The following CALN1 variants were observed in gnomAD, a reference collection of about 807,000 sequenced individuals.
CALN1 encodes the protein calneuron 1.
Under a neutral mutation model 30.6 loss-of-function variants are expected in CALN1, and 17 were observed. The ratio of observed to expected loss-of-function variants is 0.56; its 90% CI spans 0.38 to 0.83. CALN1 has a LOEUF of 0.83. Ranked by LOEUF, CALN1 falls within the 40% of genes least tolerant of loss-of-function variation. CALN1 has a pLI of 0.00. For missense variants in CALN1, 291 were observed against 354.9 expected (o/e 0.82, Z 1.45); for synonymous variants, 156 against 131.4 (o/e 1.19, Z -1.28).
At chr7:71,999,400 G>A (rs1386737268) in intron 5 of CALN1, among the ~76,000 whole-genome samples, 1 of 152,126 alleles carries the variant, frequency 6.6e-6, no homozygotes, top group Non-Finnish European at 1.5e-5. Context: ...CCACCTCTCA[G>A]CAAAGGACAG....
intron 3 of CALN1, among the ~76,000 whole-genome samples, chr7:72,135,413 T>C (rs1268565367): frequency 2.6e-5 from 4 of 152,218 alleles, no homozygotes; most frequent in South Asian, 2.1e-4. Context: ...CCTTGATGTA[T>C]GGGCTGCAGA....
intron 5 of CALN1, among the ~76,000 whole-genome samples, chr7:72,015,039 T>C (rs912349400): frequency 2.0e-5 from 3 of 152,236 alleles, no homozygotes; most frequent in African/African-American, 7.2e-5. Flanking sequence ...CCTCCAATGC[T>C]TAGAAAATTA....
chr7:71,844,785 A>T (rs183148953), intron 5 of CALN1, among the ~76,000 whole-genome samples: 1 of 152,252 alleles, frequency 6.6e-6, no homozygotes, highest in Admixed American at 6.5e-5. Flanking sequence ...TCTTCTACCA[A>T]ATTCTGCCTT....
intron 2 of CALN1, among the ~76,000 whole-genome samples, chr7:72,290,259 AAAG>A (rs1246426014): frequency 2.0e-5 from 3 of 152,082 alleles, no homozygotes; most frequent in South Asian, 2.1e-4. Flanking sequence ...TTTCTACAGA[AAAG>A]AAGACATGAA....
At chr7:71,949,096 T>C (rs1796560444) in intron 5 of CALN1, among the ~76,000 whole-genome samples, 2 of 150,360 alleles carry the variant, frequency 1.3e-5, no homozygotes, top group South Asian at 4.3e-4. Context: ...ATGCTGCCAG[T>C]TTGTCACTAT....
chr7:72,165,683 C>A (rs139980733), intron 3 of CALN1, among the ~76,000 whole-genome samples: 1 of 152,106 alleles, frequency 6.6e-6, no homozygotes, highest in Non-Finnish European at 1.5e-5. Flanking sequence ...CCTAAATAAT[C>A]TCTTTATCCA....
chr7:71,866,619 T>C (rs922003905), intron 5 of CALN1, among the ~76,000 whole-genome samples: 5 of 152,160 alleles, frequency 3.3e-5, no homozygotes, highest in African/African-American at 1.2e-4. Flanking sequence ...AACTGAGTAC[T>C]CCACATGCTT....
At position 72,411,673 on chromosome 7, in the gene CALN1, T is replaced by C. The variant is rs563731702; in HGVS notation, c.-74+385A>G. ...CTTGTCAGGCCTAAAAGTGGATAAG[T>C]TCTCAATGATGCCAAATGACAGAGA... On this transcript the variant is annotated intron_variant, in intron 1 of 6. Transcript: ENST00000395275. Among the ~76,000 whole-genome samples the C allele has an allele frequency of 2.0e-4, 30 of 152,312 alleles. No homozygotes were observed. The South Asian group carries it at 6.2e-3, about 32-fold the overall frequency.
intron 5 of CALN1, among the ~76,000 whole-genome samples, chr7:71,814,003 C>A (rs999881312): frequency 6.6e-6 from 1 of 151,234 alleles, no homozygotes; most frequent in African/African-American, 2.4e-5. Context: ...ATAAGCTACA[C>A]GGGTCCCAGG....
At chr7:72,049,399 C>T (rs886897732) in intron 4 of CALN1, among the ~76,000 whole-genome samples, 1 of 152,128 alleles carries the variant, frequency 6.6e-6, no homozygotes, top group Non-Finnish European at 1.5e-5. Flanking sequence ...CTTTCATGTG[C>T]TATCAATCAC....
At chr7:72,282,015 A>G (rs570212344) in intron 2 of CALN1, among the ~76,000 whole-genome samples, 5 of 152,350 alleles carry the variant, frequency 3.3e-5, no homozygotes, top group African/African-American at 1.2e-4. Flanking sequence ...CTCAAAGTCT[A>G]GTGGGGAAGA....
chr7:72,048,632 T>C (rs1223062354), intron 4 of CALN1, among the ~76,000 whole-genome samples: 8 of 152,274 alleles, frequency 5.3e-5, no homozygotes, highest in Non-Finnish European at 1.0e-4. Context: ...AAGTGCTTTC[T>C]GAAAAATATA....
At position 71,811,680 on chromosome 7, in the gene CALN1, T is replaced by C. The variant is rs568791507; in HGVS notation, c.502-1188A>G. ...GATAGTGTCGCTTTCTTTTTTCTTT[T>C]TTTTTTTTTTTTTCCGAAATGGAGT... On this transcript the variant is annotated intron_variant, in intron 5 of 6. Coordinates refer to ENST00000395275, the MANE Select transcript of CALN1 (RefSeq NM_031468.4). Among the ~76,000 whole-genome samples the C allele has an allele frequency of 9.4e-5, 6 of 63,978 alleles. No individual in the cohort carries two copies. In the East Asian group the frequency reaches 5.0e-3, roughly 53 times the overall value. The allele number at this position is 63,978 out of a possible 152,430, so 42.0% of individuals were successfully genotyped here.
chr7:71,900,385 G>A (rs1398753436), intron 5 of CALN1, among the ~76,000 whole-genome samples: 4 of 151,850 alleles, frequency 2.6e-5, no homozygotes, highest in Non-Finnish European at 1.5e-5. Context: ...GTTTGCTGAT[G>A]ATATGATCTT....
rs1441826167 is a variant in CALN1, at chr7:71,902,256, CCAACCAACCAAT to C, written c.502-91776_502-91765del. ...ACCAACCAACCAACCAACCAACCAACCAACCAACCAATCAAAAAAAAAAAACATATAAATGGC... is the reference window on the plus strand; with the variant it reads ...ACCAACCAACCAACCAACCAACCAACCAAAAAAAAAAAACATATAAATGGC... On this transcript the variant is annotated intron_variant, in intron 5 of 6. Transcript: ENST00000395275. Among the ~76,000 whole-genome samples the C allele has an allele frequency of 5.4e-3, 729 of 134,182 alleles. 5 individuals are homozygous for C. Among genetic ancestry groups the C allele is most frequent in the African/African-American group, 0.019 (641 of 32,966 alleles). The allele number at this position is 134,182 out of a possible 152,430, so 88.0% of individuals were successfully genotyped here.
At chr7:71,986,514 C>T (rs189758522) in intron 5 of CALN1, among the ~76,000 whole-genome samples, 35 of 152,346 alleles carry the variant, frequency 2.3e-4, no homozygotes, top group African/African-American at 8.4e-4. Flanking sequence ...AGGTCTTGAT[C>T]TTCAGCTGCA....
At chr7:71,839,127 G>A (rs749348502) in intron 5 of CALN1, among the ~76,000 whole-genome samples, 1 of 151,526 alleles carries the variant, frequency 6.6e-6, no homozygotes, top group African/African-American at 2.4e-5. Context: ...TCATTCTTGA[G>A]AGAGAGAGAG....
At chr7:71,856,070 A>G (rs1790930053) in intron 5 of CALN1, among the ~76,000 whole-genome samples, 1 of 151,932 alleles carries the variant, frequency 6.6e-6, no homozygotes, top group Non-Finnish European at 1.5e-5. Flanking sequence ...AGTTTCAAAT[A>G]TATATGAATA....
At chr7:72,257,492 A>G (rs548162891) in intron 3 of CALN1, among the ~76,000 whole-genome samples, 1 of 152,332 alleles carries the variant, frequency 6.6e-6, no homozygotes, top group Non-Finnish European at 1.5e-5. Flanking sequence ...GTGAAAAGGG[A>G]ACACTTCCAA....
Sources: allele counts gnomAD v4.1 joint callset (sites outside exome capture counted in the v4.1 genomes callset), GRCh38; gene constraint gnomAD v4.1.1; transcripts MANE v1.5; gene names NCBI Gene and HGNC (gene_info 2026-07-23, HGNC 2026-07-21).